PDZD2: variants seen among roughly 807,000 people sequenced by gnomAD.
The protein encoded by PDZD2 is PDZ domain-containing protein 2.
In PDZD2, 90 loss-of-function variants were observed where a neutral mutation model predicts 220.7. That is an observed-to-expected ratio of 0.41 (90% CI 0.34 to 0.49). The LOEUF is 0.49. Ranked by LOEUF, PDZD2 falls within the 20% of genes least tolerant of loss-of-function variation. The pLI is 0.28. For synonymous variants in PDZD2, 1,375 were observed against 1,450.5 expected (o/e 0.95, Z 1.18); for missense variants, 3,174 against 3,608.5 (o/e 0.88, Z 3.08).
intron 1 of PDZD2, among the ~76,000 whole-genome samples, chr5:31,741,576 C>T (rs954185449): frequency 6.6e-6 from 1 of 152,146 alleles, no homozygotes; most frequent in African/African-American, 2.4e-5. Context: ...ATCCAAACTT[C>T]CCTCTCTTAC....
rs1426860796 is a variant in PDZD2, at chr5:32,087,364, C to G, written c.3916C>G (p.Arg1306Gly). The G allele has an allele frequency of 1.9e-6, 3 of 1,613,880 alleles. No individual in the cohort carries two copies. The highest frequency in any genetic ancestry group is 2.2e-5 in the South Asian group (2 of 91,078). ...GGCTCCCCCTGACTACAGCAAGACT[C>G]GATCAGCATCGGAAACCAGCACACC... is the stretch of plus-strand genomic sequence containing the variant. ...AAAPPDYSKT[R>G]SASETSTPHN... is the part of the protein sequence containing the mutation. The change falls in exon 20 of 25, where the codon CGA becomes GGA. Residue 1306 changes from arginine (R) to glycine (G), a missense_variant. Coordinates refer to ENST00000438447, the MANE Select transcript of PDZD2 (RefSeq NM_178140.4). This position sits in a 1 kb window ranked among gnomAD's most constrained non-coding sequence, Gnocchi z 4.0.
chr5:31,734,943 A>T (rs765972183), intron 1 of PDZD2, among the ~76,000 whole-genome samples: 7 of 152,210 alleles, frequency 4.6e-5, no homozygotes, highest in Non-Finnish European at 1.0e-4. Context: ...CAATTCCTCG[A>T]GGATTTTTTG....
At chr5:31,850,117 C>CGTGTATATATAAGTTTATATAT (rs1561507887) in intron 2 of PDZD2, among the ~76,000 whole-genome samples, 1 of 128,798 alleles carries the variant, frequency 7.8e-6, no homozygotes, top group African/African-American at 2.9e-5. Flanking sequence ...AGTATATATA[C>CGTGTATATATAAGTTTATATAT]GTGTATATAT....
At chr5:31,720,535 C>T (rs76463291) in intron 1 of PDZD2, among the ~76,000 whole-genome samples, 2,051 of 152,226 alleles carry the variant, frequency 0.013, 44 homozygotes, top group African/African-American at 0.047. Context: ...TTTATTTCAC[C>T]ATAGTTTTAT....
In PDZD2 at chr5:31,920,854, G is replaced by C. The variant is rs372961796; in HGVS notation, c.477-62301G>C. Among the ~76,000 whole-genome samples the C allele has an allele frequency of 3.3e-5, 5 of 152,116 alleles. No homozygotes were observed. In the East Asian group the frequency reaches 5.8e-4, roughly 18 times the overall value. Reference sequence around the variant, plus strand: ...TTTGCCGTTTCCAGAATGTCATATAGTTGGAATCATACCACAGATGGCCCC... The same window carrying C: ...TTTGCCGTTTCCAGAATGTCATATACTTGGAATCATACCACAGATGGCCCC... On this transcript the variant is annotated intron_variant, in intron 2 of 24. Coordinates refer to ENST00000438447, the MANE Select transcript of PDZD2 (RefSeq NM_178140.4).
chr5:31,970,345 C>T (rs1372919783), intron 2 of PDZD2, among the ~76,000 whole-genome samples: 5 of 152,078 alleles, frequency 3.3e-5, no homozygotes, highest in South Asian at 2.1e-4. Flanking sequence ...TTATAAAGAG[C>T]GACAAGAGTG....
At chr5:31,843,022 C>T (rs1405710251) in intron 2 of PDZD2, among the ~76,000 whole-genome samples, 2 of 152,028 alleles carry the variant, frequency 1.3e-5, no homozygotes, top group Non-Finnish European at 2.9e-5. Context: ...GCTGCGATTA[C>T]AGGCATGCAC....
chr5:32,045,701 A>T (rs1561439619), intron 7 of PDZD2, among the ~76,000 whole-genome samples: 1 of 151,814 alleles, frequency 6.6e-6, no homozygotes, highest in Non-Finnish European at 1.5e-5. Context: ...TGCTAGGATT[A>T]TAGGTGTGAG....
chr5:31,861,558 TC>T (rs1446793430), intron 2 of PDZD2, among the ~76,000 whole-genome samples: 1 of 152,164 alleles, frequency 6.6e-6, no homozygotes, highest in Non-Finnish European at 1.5e-5. Flanking sequence ...AAGGGGGAGT[TC>T]CTTGCTTTGG....
chr5:32,021,025 C>G (rs1252036644), intron 6 of PDZD2, among the ~76,000 whole-genome samples: 1 of 151,378 alleles, frequency 6.6e-6, no homozygotes, highest in African/African-American at 2.4e-5. Context: ...CCCCACCTTA[C>G]TTAAAGACTT....
Position 31,983,351 on chromosome 5 carries a change from C to T in PDZD2, c.673C>T (p.Pro225Ser). 1 of 1,614,186 alleles carries T rather than the reference C, an allele frequency of 6.2e-7. No homozygotes were observed. Among genetic ancestry groups the T allele is most frequent in the East Asian group, 2.2e-5 (1 of 44,880 alleles). Residue 225 changes from proline (P) to serine (S), a missense_variant, in exon 3 of 25, where the codon CCT (proline) becomes TCT (serine). By Grantham distance (74) the Pro-to-Ser change is moderately conservative. Around this residue, in one of 4 missense-constraint regions of PDZD2, gnomAD observed 632 missense variants for 708.1 expected, o/e 0.89. Coordinates refer to ENST00000438447, the MANE Select transcript of PDZD2 (RefSeq NM_178140.4). ...CAGAAAGTTTGGGGTCATCTCCAGG[C>T]CTCCTGCCAACAAGGCCCCTGAAGA... Reference protein sequence around the residue: ...RTRKFGVISRPPANKAPEESK... With the variant: ...RTRKFGVISRSPANKAPEESK...
intron 6 of PDZD2, among the ~76,000 whole-genome samples, chr5:32,013,354 G>T (rs1753478182): frequency 3.0e-5 from 4 of 131,912 alleles, no homozygotes; most frequent in Admixed American, 8.1e-5. Context: ...TTCCTTACAT[G>T]GCTTATAGCA....
At chr5:31,712,389 G>A (rs1373904389) in intron 1 of PDZD2, among the ~76,000 whole-genome samples, 1 of 152,072 alleles carries the variant, frequency 6.6e-6, no homozygotes, top group African/African-American at 2.4e-5. Flanking sequence ...TTGGGTCAGA[G>A]ACCTTGGCAA....
chr5:31,755,158 C>G (rs752319218), intron 1 of PDZD2, among the ~76,000 whole-genome samples: 6 of 152,140 alleles, frequency 3.9e-5, no homozygotes, highest in Admixed American at 3.9e-4. Flanking sequence ...CTGGACAAAC[C>G]GCAGATGCTC....
At position 32,083,731 on chromosome 5, in the gene PDZD2, C is replaced by G. The variant is rs1270447854; in HGVS notation, c.3683-3400C>G. 6.6e-6 allele frequency: 1 copy of G among 152,240 alleles called. No individual in the cohort carries two copies. Among genetic ancestry groups the G allele is most frequent in the African/African-American group, 2.4e-5 (1 of 41,408 alleles). The allele number at this position is 152,240 out of a possible 1,614,324, so 9.4% of individuals were successfully genotyped here. On this transcript the variant is annotated intron_variant, in intron 19 of 24. Coordinates refer to ENST00000438447, the MANE Select transcript of PDZD2 (RefSeq NM_178140.4). The surrounding 1 kb of genome is among the most constrained non-coding windows in gnomAD (Gnocchi z 4.1). ...TCTGTCGCTCAGGCTGGATGGAGTA[C>G]AGTGGCTCGATCTCGGCTCACTGCA...
At chr5:31,876,534 C>G (rs1414032546) in intron 2 of PDZD2, among the ~76,000 whole-genome samples, 2 of 152,010 alleles carry the variant, frequency 1.3e-5, no homozygotes, top group Non-Finnish European at 2.9e-5. Context: ...TTCAAGTGAT[C>G]CACCCACCTC....
intron 1 of PDZD2, among the ~76,000 whole-genome samples, chr5:31,703,432 C>A (rs1747681671): frequency 6.6e-6 from 1 of 151,924 alleles, no homozygotes; most frequent in South Asian, 2.1e-4. Flanking sequence ...ACAATGAGAA[C>A]ACATGGACAC....
chr5:31,929,032 T>C (rs1462145011), intron 2 of PDZD2, among the ~76,000 whole-genome samples: 1 of 152,186 alleles, frequency 6.6e-6, no homozygotes, highest in Non-Finnish European at 1.5e-5. Flanking sequence ...TATTGATCCA[T>C]ACTTGCAATG....
intron 1 of PDZD2, among the ~76,000 whole-genome samples, chr5:31,735,737 G>A (rs1210987645): frequency 1.3e-5 from 2 of 152,228 alleles, no homozygotes; most frequent in Non-Finnish European, 2.9e-5. Context: ...ACGAGGTCAA[G>A]AGATCGAGAT....
Sources: allele counts gnomAD v4.1 joint callset (sites outside exome capture counted in the v4.1 genomes callset), GRCh38; gene constraint gnomAD v4.1.1; regional missense constraint gnomAD v4.1.1; non-coding constraint Gnocchi (gnomAD v3.1); transcripts MANE v1.5; gene names NCBI Gene and HGNC (gene_info 2026-07-23, HGNC 2026-07-21).